ZNF260: variants seen among roughly 807,000 people sequenced by gnomAD.
The protein encoded by ZNF260 is zinc finger protein 260.
ZNF260 carries 21 observed loss-of-function variants against 29.3 expected under a neutral mutation model. That is an observed-to-expected ratio of 0.72 (90% CI 0.51 to 1.03). The LOEUF (loss-of-function observed/expected upper bound fraction) is 1.03. Among genes scored for constraint, ZNF260 ranks in the 50% least tolerant of loss-of-function variants. The pLI is 0.00. For missense variants in ZNF260, 465 were observed against 487.8 expected, an observed-to-expected ratio of 0.95 and a Z score of 0.44; for synonymous variants, 156 against 156.8, an observed-to-expected ratio of 0.99 and a Z score of 0.04.
Position 36,514,100 on chromosome 19 carries a change from C to T in ZNF260, c.1139G>A (p.Arg380Lys). 1 of 1,614,110 alleles carries T rather than the reference C, an allele frequency of 6.2e-7. No homozygotes were observed. The highest frequency in any genetic ancestry group is 8.5e-7 in the Non-Finnish European group (1 of 1,179,998). The change falls in exon 3 of 3, where the codon AGA (arginine) becomes AAA (lysine). Residue 380 changes from arginine (R) to lysine (K), a missense_variant. By Grantham distance (26) the Arg-to-Lys change is conservative. Transcript: ENST00000523638. ...ATAAGGTTTTTCACCAGTATGGATTCTCATGTGCAGAGCAAGGGTTGAGAA... is the reference window on the plus strand; with the variant it reads ...ATAAGGTTTTTCACCAGTATGGATTTTCATGTGCAGAGCAAGGGTTGAGAA... ...SQFSTLALHM[R>K]IHTGEKPYQC...
intron 1 of ZNF260, 42 bp downstream of exon 1, chr19:36,528,177 T>C (rs1293964280): frequency 2.1e-5 from 2 of 96,180 alleles, no homozygotes; most frequent in Admixed American, 1.0e-4. Context: ...CCCGTTTCAG[T>C]GTCCAGAAAC....
At chr19:36,527,448 A>T (rs1449553255) in intron 1 of ZNF260, among the ~76,000 whole-genome samples, 1 of 152,210 alleles carries the variant, frequency 6.6e-6, no homozygotes, top group Admixed American at 6.5e-5. Context: ...ATCTTTGTAT[A>T]CACAAGAAAA....
intron 2 of ZNF260, among the ~76,000 whole-genome samples, chr19:36,518,845 C>T (rs1032151292): frequency 3.3e-5 from 5 of 151,974 alleles, no homozygotes; most frequent in African/African-American, 4.8e-5. Flanking sequence ...AGTTTGAGAC[C>T]GGCCTGTGCA....
chr19:36,525,316 A>G lies in ZNF260; in HGVS notation c.-623T>C, dbSNP rs2034716219. ...CAAAGCAGCATCCCAAAATTCAGGG[A>G]GCGCCCTTAGAACTCTAAGAGGTTT... On this transcript the variant is annotated 5_prime_UTR_variant, in exon 2 of 3. Transcript: ENST00000523638. 1 of 152,218 alleles carries G rather than the reference A, an allele frequency of 6.6e-6. No homozygotes were observed. The highest frequency in any genetic ancestry group is 1.5e-5 in the Non-Finnish European group (1 of 68,038). 9.4% of individuals were successfully genotyped at this position (152,218 alleles called of 1,614,324 possible). A position where few individuals can be genotyped will look rare whatever the true frequency, so the allele number is the denominator to read the frequency against.
chr19:36,524,534 T>TTTTTTTTTTTTA lies in ZNF260; in HGVS notation c.-462+620_-462+621insTAAAAAAAAAAA, dbSNP rs1555779912. Reference sequence around the variant, plus strand: ...ACATGCTAGTTTTTTTTTTTTTTTTTATTGATCATTCTTGGGTGTTTCTCG... The same window carrying TTTTTTTTTTTTA: ...ACATGCTAGTTTTTTTTTTTTTTTTTTTTTTTTTTTTAATTGATCATTCTTGGGTGTTTCTCG... On this transcript the variant is annotated intron_variant, in intron 2 of 2. Transcript: ENST00000523638. Among the ~76,000 whole-genome samples, 172 of 125,992 alleles carry TTTTTTTTTTTTA rather than the reference T, an allele frequency of 1.4e-3. 5 individuals are homozygous for TTTTTTTTTTTTA. The highest frequency in any genetic ancestry group is 4.9e-3 in the African/African-American group (170 of 34,622). 82.7% of individuals were successfully genotyped at this position (125,992 alleles called of 152,430 possible). A position where few individuals can be genotyped will look rare whatever the true frequency, so the allele number is the denominator to read the frequency against.
At chr19:36,521,842 G>C (rs1224512977) in intron 2 of ZNF260, among the ~76,000 whole-genome samples, 1 of 151,818 alleles carries the variant, frequency 6.6e-6, no homozygotes, top group Admixed American at 6.6e-5. Context: ...AAGGTCGGGA[G>C]TTTGAGACCA....
intron 2 of ZNF260, among the ~76,000 whole-genome samples, chr19:36,524,802 G>A (rs1239182412): frequency 6.6e-6 from 1 of 152,048 alleles, no homozygotes; most frequent in Non-Finnish European, 1.5e-5. Context: ...ACAGGGAAAA[G>A]TGAAAAATGG....
At chr19:36,519,264 A>G (rs1401120013) in intron 2 of ZNF260, among the ~76,000 whole-genome samples, 1 of 152,228 alleles carries the variant, frequency 6.6e-6, no homozygotes, top group African/African-American at 2.4e-5. Context: ...AATATTAATT[A>G]AAAGAAAAGC....
intron 2 of ZNF260, among the ~76,000 whole-genome samples, chr19:36,516,468 T>TAGTC (rs1391786079): frequency 6.6e-6 from 1 of 152,098 alleles, no homozygotes; most frequent in Non-Finnish European, 1.5e-5. Flanking sequence ...ATGGTGCCTG[T>TAGTC]AGTCCTAGCT....
intron 2 of ZNF260, among the ~76,000 whole-genome samples, chr19:36,518,311 A>G (rs1160200457): frequency 6.6e-6 from 1 of 152,192 alleles, no homozygotes; most frequent in Non-Finnish European, 1.5e-5. Flanking sequence ...ACATTTGATG[A>G]AAGTCCTAAC....
At position 36,525,269 on chromosome 19, in the gene ZNF260, C is replaced by T. The variant is rs2034715275; in HGVS notation, c.-576G>A. On this transcript the variant is annotated 5_prime_UTR_variant, in exon 2 of 3. Coordinates refer to ENST00000523638, the MANE Select transcript of ZNF260 (RefSeq NM_001166037.2). The stretch of plus-strand genomic sequence containing the variant: ...TTGTGAGCAGAAAAATGACACTGGA[C>T]TTGGATGTTATGGTTGGGGAACAAA... The T allele has an allele frequency of 6.6e-6, 1 of 152,174 alleles. No individual in the cohort carries two copies. Among genetic ancestry groups the T allele is most frequent in the Non-Finnish European group, 1.5e-5 (1 of 68,052 alleles). The allele number at this position is 152,174 out of a possible 1,614,324, so 9.4% of individuals were successfully genotyped here.
chr19:36,518,576 G>T (rs545424390), intron 2 of ZNF260, among the ~76,000 whole-genome samples: 1 of 152,306 alleles, frequency 6.6e-6, no homozygotes, highest in East Asian at 1.9e-4. Context: ...GAAAGAAAGA[G>T]TGTAATGGTT....
chr19:36,521,182 A>T (rs1355076918), intron 2 of ZNF260, among the ~76,000 whole-genome samples: 1 of 152,116 alleles, frequency 6.6e-6, no homozygotes, highest in Non-Finnish European at 1.5e-5. Context: ...AACTTTGATT[A>T]GATAATGGTA....
chr19:36,516,433 T>C (rs2034551085), intron 2 of ZNF260, among the ~76,000 whole-genome samples: 2 of 151,920 alleles, frequency 1.3e-5, no homozygotes, highest in African/African-American at 4.8e-5. Flanking sequence ...CTCGTCTCTA[T>C]AAAAAATTTA....
At position 36,514,137 on chromosome 19, in the gene ZNF260, C is replaced by T; in HGVS notation, c.1102G>A (p.Ala368Thr). 6.2e-7 allele frequency: 1 copy of T among 1,614,056 alleles called. No homozygotes were observed. Among genetic ancestry groups the T allele is most frequent in the Non-Finnish European group, 8.5e-7 (1 of 1,180,004 alleles). Residue 368 changes from alanine (A) to threonine (T), a missense_variant, in exon 3 of 3, where the codon GCC becomes ACC. Physicochemically the swap from Ala to Thr is moderately conservative, Grantham distance 58. Coordinates refer to ENST00000523638, the MANE Select transcript of ZNF260 (RefSeq NM_001166037.2). ...GCAAGGGTTGAGAACTGAGAAAAGG[C>T]TTTCCCACATTCATTACAACCATAG... ...KPYGCNECGKAFSQFSTLALH... is the reference protein window; with the variant it reads ...KPYGCNECGKTFSQFSTLALH...
In ZNF260 at chr19:36,513,169, A is replaced by C. The variant is rs2145737478; in HGVS notation, c.*831T>G. On this transcript the variant is annotated 3_prime_UTR_variant, in exon 3 of 3. Coordinates refer to ENST00000523638, the MANE Select transcript of ZNF260 (RefSeq NM_001166037.2). ...GTATGTATATATAAGAAAAAAACAT[A>C]GACATAGAGTTTGGTCCTATCTGGG... 6.6e-6 allele frequency: 1 copy of C among 152,282 alleles called. No homozygotes were observed. The highest frequency in any genetic ancestry group is 2.1e-4 in the South Asian group (1 of 4,832). The allele number at this position is 152,282 out of a possible 1,614,324, so 9.4% of individuals were successfully genotyped here. A position where few individuals can be genotyped will look rare whatever the true frequency, so the allele number is the denominator to read the frequency against.
At chr19:36,517,623 C>G (rs2034572964) in intron 2 of ZNF260, among the ~76,000 whole-genome samples, 1 of 152,064 alleles carries the variant, frequency 6.6e-6, no homozygotes, top group Non-Finnish European at 1.5e-5. Context: ...CCTGAACTCT[C>G]CTAGCTGGAC....
intron 2 of ZNF260, among the ~76,000 whole-genome samples, chr19:36,524,521 T>TTTTTTTTTTTTTTTTTTA (rs2034699858): frequency 9.5e-6 from 1 of 105,644 alleles, no homozygotes; most frequent in Non-Finnish European, 2.3e-5. Context: ...ATGCTAGTTT[T>TTTTTTTTTTTTTTTTTTA]TTTTTTTTTT....
rs571292445 is a variant in ZNF260, at chr19:36,512,474, C to A, written c.*1526G>T. On this transcript the variant is annotated 3_prime_UTR_variant, in exon 3 of 3. Transcript: ENST00000523638. ...AGAAATAGATACAAAATTGAAGTAT[C>A]CTTTAACTACCATGCTTGGTAACAT... The A allele has an allele frequency of 6.6e-6, 1 of 152,104 alleles. No individual in the cohort carries two copies. The highest frequency in any genetic ancestry group is 1.5e-5 in the Non-Finnish European group (1 of 67,998). 9.4% of individuals were successfully genotyped at this position (152,104 alleles called of 1,614,324 possible).
Sources: allele counts gnomAD v4.1 joint callset (sites outside exome capture counted in the v4.1 genomes callset), GRCh38; gene constraint gnomAD v4.1.1; transcripts MANE v1.5; gene names NCBI Gene and HGNC (gene_info 2026-07-23, HGNC 2026-07-21).